PDE10A: variants seen among roughly 807,000 people sequenced by gnomAD.
PDE10A encodes the protein phosphodiesterase 10A, also known as cAMP and cAMP-inhibited cGMP 3',5'-cyclic phosphodiesterase 10A.
PDE10A carries 39 observed loss-of-function variants against 97.7 expected under a neutral mutation model. The observed-to-expected ratio is 0.40, with a 90% CI of 0.31 to 0.52. The LOEUF (loss-of-function observed/expected upper bound fraction) is 0.52. Ranked by LOEUF, PDE10A falls within the 20% of genes least tolerant of loss-of-function variation. The pLI is 0.56. For synonymous variants in PDE10A, 371 were observed against 376.8 expected, an observed-to-expected ratio of 0.98 and a Z score of 0.18; for missense variants, 731 against 1,047.8, an observed-to-expected ratio of 0.70 and a Z score of 4.17.
At chr6:165,777,665 T>A (rs2128461036) in intron 1 of PDE10A, among the ~76,000 whole-genome samples, 1 of 152,096 alleles carries the variant, frequency 6.6e-6, no homozygotes, top group African/African-American at 2.4e-5. Context: ...AATGGACAGA[T>A]AAGATCGGCG....
chr6:165,445,878 A>G (rs1038960112), intron 5 of PDE10A, among the ~76,000 whole-genome samples: 4 of 150,374 alleles, frequency 2.7e-5, no homozygotes, highest in Non-Finnish European at 5.9e-5. Flanking sequence ...CCATGGAAGA[A>G]TAGAATTCAC....
intron 1 of PDE10A, among the ~76,000 whole-genome samples, chr6:165,768,407 A>G (rs527692789): frequency 5.9e-5 from 9 of 152,208 alleles, no homozygotes; most frequent in Admixed American, 1.3e-4. Flanking sequence ...TTTTACTTTT[A>G]GATTTTACAT....
intron 1 of PDE10A, among the ~76,000 whole-genome samples, chr6:165,706,803 T>G (rs978102067): frequency 6.6e-6 from 1 of 152,222 alleles, no homozygotes; most frequent in Admixed American, 6.5e-5. Flanking sequence ...ATAACAGATT[T>G]ACGTGGTTTC....
At chr6:165,508,654 C>T (rs1781338688) in intron 2 of PDE10A, among the ~76,000 whole-genome samples, 1 of 151,922 alleles carries the variant, frequency 6.6e-6, no homozygotes, top group Non-Finnish European at 1.5e-5. Flanking sequence ...CCTCAATCAA[C>T]GTTTGAAAAG....
chr6:165,962,695 G>C (rs1784396428), intron 1 of PDE10A, among the ~76,000 whole-genome samples: 1 of 152,148 alleles, frequency 6.6e-6, no homozygotes, highest in African/African-American at 2.4e-5. Flanking sequence ...GTCATATCTA[G>C]GCCCAAACTA....
chr6:165,638,289 A>G (rs781574551), intron 1 of PDE10A, among the ~76,000 whole-genome samples: 1 of 152,226 alleles, frequency 6.6e-6, no homozygotes, highest in East Asian at 1.9e-4. Flanking sequence ...TATACTTCAG[A>G]TAACTTTTAA....
intron 1 of PDE10A, among the ~76,000 whole-genome samples, chr6:165,964,437 CT>C: frequency 6.6e-6 from 1 of 152,308 alleles, no homozygotes; most frequent in African/African-American, 2.4e-5. Context: ...TCATTGCCAG[CT>C]TTACTACACT....
intron 1 of PDE10A, among the ~76,000 whole-genome samples, chr6:165,631,326 T>C (rs1788618928): frequency 6.6e-6 from 1 of 152,244 alleles, no homozygotes; most frequent in African/African-American, 2.4e-5. Context: ...TATACAACAA[T>C]TGTTATACAT....
chr6:165,350,378 C>T (rs1383830033), intron 18 of PDE10A, among the ~76,000 whole-genome samples: 1 of 152,130 alleles, frequency 6.6e-6, no homozygotes, highest in African/African-American at 2.4e-5. Context: ...TTGTTTTGGC[C>T]AATTTCTCCC....
chr6:165,784,050 T>C (rs779079814), intron 1 of PDE10A, among the ~76,000 whole-genome samples: 12 of 151,780 alleles, frequency 7.9e-5, no homozygotes, highest in Non-Finnish European at 1.6e-4. Flanking sequence ...AAACCCTGTC[T>C]CTACTAAAAA....
At chr6:165,900,102 T>C (rs1429002588) in intron 1 of PDE10A, among the ~76,000 whole-genome samples, 2 of 152,104 alleles carry the variant, frequency 1.3e-5, no homozygotes, top group Non-Finnish European at 2.9e-5. Context: ...TGATGGGGGC[T>C]GAAAGAGAGG....
intron 1 of PDE10A, among the ~76,000 whole-genome samples, chr6:165,810,969 T>C (rs1779266719): frequency 6.6e-6 from 1 of 152,200 alleles, no homozygotes; most frequent in South Asian, 2.1e-4. Flanking sequence ...CTCACACCTG[T>C]AATCCCAGCA....
intron 1 of PDE10A, among the ~76,000 whole-genome samples, chr6:165,616,505 T>A (rs909167173): frequency 3.9e-5 from 6 of 152,170 alleles, no homozygotes; most frequent in Non-Finnish European, 7.3e-5. Context: ...GGAAGGGTGA[T>A]CTTTTGTGGA....
intron 15 of PDE10A, among the ~76,000 whole-genome samples, chr6:165,393,068 A>G (rs1785843329): frequency 6.6e-6 from 1 of 152,120 alleles, no homozygotes; most frequent in South Asian, 2.1e-4. Flanking sequence ...CAGTATTAGT[A>G]CACAGTCACC....
chr6:165,411,474 C>T (rs545018797), intron 13 of PDE10A, among the ~76,000 whole-genome samples: 1 of 152,242 alleles, frequency 6.6e-6, no homozygotes, highest in African/African-American at 2.4e-5. Flanking sequence ...AGAAGGCGGC[C>T]ATCTGCAAAC....
intron 1 of PDE10A, among the ~76,000 whole-genome samples, chr6:165,889,919 C>A (rs1781736247): frequency 1.7e-5 from 1 of 58,852 alleles, no homozygotes; most frequent in African/African-American, 5.3e-5. Context: ...CCCTCCCTCA[C>A]TCCTCACTCC....
intron 2 of PDE10A, among the ~76,000 whole-genome samples, chr6:165,539,888 T>C (rs1055307214): frequency 2.6e-5 from 4 of 152,150 alleles, no homozygotes; most frequent in Non-Finnish European, 5.9e-5. Flanking sequence ...AGCACACCAC[T>C]GCACTCCAGC....
rs1226230409 is a variant in PDE10A at position 165,626,672 on chromosome 6, G to A, written c.865+35275C>T. ...CTTACCATTCAGGATTAAGAGAGAA[G>A]GTAAAAGGCACTTTGCGATTTCCCT... is the stretch of plus-strand genomic sequence containing the variant. On this transcript the variant is annotated intron_variant, in intron 1 of 21. Coordinates refer to ENST00000539869, the MANE Select transcript of PDE10A (RefSeq NM_001385079.1). Among the ~76,000 whole-genome samples, 4 of 152,304 alleles carry A rather than the reference G, an allele frequency of 2.6e-5. No individual in the cohort carries two copies. In the East Asian group the frequency reaches 7.7e-4, roughly 29 times the overall value.
At chr6:165,413,467 T>C in intron 13 of PDE10A, 34 bp downstream of exon 13, 5 of 1,407,270 alleles carry the variant, frequency 3.6e-6, no homozygotes, top group Non-Finnish European at 4.9e-6. Flanking sequence ...TAATATTGAG[T>C]AGTAAAAAAT....
Sources: allele counts gnomAD v4.1 joint callset (sites outside exome capture counted in the v4.1 genomes callset), GRCh38; gene constraint gnomAD v4.1.1; transcripts MANE v1.5; gene names NCBI Gene and HGNC (gene_info 2026-07-23, HGNC 2026-07-21).